ADD3: variants seen among roughly 807,000 people sequenced by gnomAD.
ADD3 encodes adducin 3.
In ADD3, 25 loss-of-function variants were observed where a neutral mutation model predicts 80.2. The observed-to-expected ratio is 0.31, with a 90% CI of 0.23 to 0.44. The LOEUF is 0.44. Ranked by LOEUF, ADD3 falls within the 20% of genes least tolerant of loss-of-function variation. ADD3 has a pLI of 1.00. For synonymous variants in ADD3, 284 were observed against 289.6 expected (o/e 0.98, Z 0.20); for missense variants, 829 against 847.5 (o/e 0.98, Z 0.27).
At chr10:110,060,545 C>G (rs1858756457) in intron 1 of ADD3, among the ~76,000 whole-genome samples, 1 of 152,224 alleles carries the variant, frequency 6.6e-6, no homozygotes, top group Non-Finnish European at 1.5e-5. Context: ...GCTCTGTGTT[C>G]TAACCATTCC....
intron 2 of ADD3, among the ~76,000 whole-genome samples, chr10:110,105,828 G>A (rs1230935006): frequency 3.9e-5 from 6 of 152,146 alleles, no homozygotes; most frequent in African/African-American, 1.2e-4. Context: ...ATGATCTGTG[G>A]TCAGTTGAGA....
At chr10:110,005,309 C>T (rs1302956392), upstream of ADD3, among the ~76,000 whole-genome samples, 1 of 152,210 alleles carries the variant, frequency 6.6e-6, no homozygotes, top group Non-Finnish European at 1.5e-5. Flanking sequence ...ATCTACCTGC[C>T]TCAGCCTCCC....
chr10:110,073,810 G>C (rs752187157), intron 1 of ADD3, among the ~76,000 whole-genome samples: 2 of 152,138 alleles, frequency 1.3e-5, no homozygotes, highest in African/African-American at 2.4e-5. Context: ...TGTGCTATCT[G>C]TTGGAATACA....
chr10:110,116,675 G>T (rs1850769534), intron 4 of ADD3, among the ~76,000 whole-genome samples: 1 of 152,146 alleles, frequency 6.6e-6, no homozygotes, highest in Non-Finnish European at 1.5e-5. Context: ...AAATCCTTCT[G>T]GCAAAATTGT....
At chr10:110,115,967 T>TA (rs1336057463) in intron 3 of ADD3, among the ~76,000 whole-genome samples, 1 of 152,214 alleles carries the variant, frequency 6.6e-6, no homozygotes, top group Admixed American at 6.5e-5. Flanking sequence ...CCCTCGGAGA[T>TA]ATGTGTAACC....
intron 1 of ADD3, among the ~76,000 whole-genome samples, chr10:110,085,012 G>A (rs1277757921): frequency 6.6e-6 from 1 of 152,088 alleles, no homozygotes; most frequent in Non-Finnish European, 1.5e-5. Context: ...GGAGACTTGG[G>A]TTGTTGTCTC....
chr10:110,066,904 T>G (rs1008485621), intron 1 of ADD3, among the ~76,000 whole-genome samples: 1 of 152,210 alleles, frequency 6.6e-6, no homozygotes, highest in East Asian at 1.9e-4. Context: ...GAGGTTTGTA[T>G]ATTTAGATCC....
chr10:110,013,843 A>G (rs1392264121), intron 1 of ADD3, among the ~76,000 whole-genome samples: 2 of 152,218 alleles, frequency 1.3e-5, no homozygotes, highest in African/African-American at 4.8e-5. Context: ...GTTACCTACT[A>G]GAGGAGGTGG....
intron 1 of ADD3, among the ~76,000 whole-genome samples, chr10:110,074,588 T>A (rs574102323): frequency 5.1e-4 from 77 of 151,986 alleles, no homozygotes; most frequent in Middle Eastern, 6.8e-3. Context: ...TTTTTTTTTT[T>A]ATCTTAAACA....
At chr10:110,099,441 G>A (rs184615043) in intron 1 of ADD3, among the ~76,000 whole-genome samples, 1 of 151,988 alleles carries the variant, frequency 6.6e-6, no homozygotes, top group African/African-American at 2.4e-5. Flanking sequence ...AGAGTTTCTA[G>A]GGCATTGTTT....
chr10:110,104,900 AC>A (rs1849242078), intron 2 of ADD3, among the ~76,000 whole-genome samples: 1 of 152,180 alleles, frequency 6.6e-6, no homozygotes, highest in African/African-American at 2.4e-5. Context: ...CAAAGCTCAC[AC>A]CTGTAATCAC....
chr10:110,028,569 C>CA (rs1854591177), intron 1 of ADD3, among the ~76,000 whole-genome samples: 1 of 151,946 alleles, frequency 6.6e-6, no homozygotes, highest in East Asian at 1.9e-4. Flanking sequence ...CGTCTCAAAA[C>CA]AAAAGAAAAA....
Position 110,107,177 on chromosome 10 carries a change from T to C in ADD3, c.196-5600T>C, listed in dbSNP as rs149665343. Among the ~76,000 whole-genome samples the C allele has an allele frequency of 7.2e-5, 11 of 152,014 alleles. No homozygotes were observed. The East Asian group carries it at 1.9e-3, about 27-fold the overall frequency. Reference sequence around the variant, plus strand: ...AATATGGTATAGTAGAGCAGGAAAATAGTTAAACAATCACAGTCATACACT... The same window carrying C: ...AATATGGTATAGTAGAGCAGGAAAACAGTTAAACAATCACAGTCATACACT... On this transcript the variant is annotated intron_variant, in intron 2 of 14. Coordinates refer to ENST00000356080, the MANE Select transcript of ADD3 (RefSeq NM_016824.5).
chr10:110,056,547 A>C (rs1490439073), intron 1 of ADD3, among the ~76,000 whole-genome samples: 4 of 152,242 alleles, frequency 2.6e-5, no homozygotes, highest in African/African-American at 9.6e-5. Flanking sequence ...TTAGAAGTAG[A>C]AAATACCTTT....
Position 110,124,010 on chromosome 10 carries a change from C to T in ADD3, c.1144-7C>T. ...GATGCTTCAAATGTGGCTTTTCCCT[C>T]CCTTAGGGGTATAGAACAGGCTATG... On this transcript the variant is annotated splice_region_variant and splice_polypyrimidine_tract_variant and intron_variant, in intron 9 of 14. Coordinates refer to ENST00000356080, the MANE Select transcript of ADD3 (RefSeq NM_016824.5). 6.2e-7 allele frequency: 1 copy of T among 1,613,136 alleles called. No homozygotes were observed. Among genetic ancestry groups the T allele is most frequent in the South Asian group, 1.1e-5 (1 of 91,046 alleles).
chr10:110,025,392 G>T (rs1392467512), intron 1 of ADD3, among the ~76,000 whole-genome samples: 1 of 152,004 alleles, frequency 6.6e-6, no homozygotes, highest in Non-Finnish European at 1.5e-5. Context: ...GGAATCTTCA[G>T]AGTGGTGGTA....
intron 12 of ADD3, among the ~76,000 whole-genome samples, chr10:110,128,935 CG>C (rs1230063167): frequency 6.6e-6 from 1 of 152,096 alleles, no homozygotes; most frequent in Non-Finnish European, 1.5e-5. Context: ...ACACAGAGCT[CG>C]GGGATTGGTG....
At chr10:110,068,336 C>A (rs1448957324) in intron 1 of ADD3, among the ~76,000 whole-genome samples, 1 of 152,148 alleles carries the variant, frequency 6.6e-6, no homozygotes, top group Non-Finnish European at 1.5e-5. Context: ...AGTTGGCCCT[C>A]CACTTCTGAG....
chr10:110,037,783 C>G (rs1299395184), intron 1 of ADD3, among the ~76,000 whole-genome samples: 1 of 151,482 alleles, frequency 6.6e-6, no homozygotes, highest in East Asian at 2.0e-4. Flanking sequence ...TTGGAAAATA[C>G]AGGCTGGGCG....
Sources: gnomAD v4.1 joint callset for allele counts (sites outside exome capture counted in the v4.1 genomes callset) on GRCh38, gnomAD v4.1.1 for gene constraint, MANE v1.5 for transcripts, NCBI Gene and HGNC (gene_info 2026-07-23, HGNC 2026-07-21) for gene names.